METTL15: variants seen among roughly 807,000 people sequenced by gnomAD.
METTL15 encodes the protein 12S rRNA N(4)-cytidine methyltransferase METTL15.
Under a neutral mutation model 38.3 loss-of-function variants are expected in METTL15, and 34 were observed. The ratio of observed to expected loss-of-function variants is 0.89; its 90% CI spans 0.68 to 1.18. The LOEUF (loss-of-function observed/expected upper bound fraction) is 1.18, where lower values mean the gene tolerates loss of function less well. Among genes scored for constraint, METTL15 ranks in the 50% most tolerant of loss-of-function variants. METTL15 has a pLI of 0.00. For missense variants in METTL15, 438 were observed against 498.4 expected (o/e 0.88, Z 1.15); for synonymous variants, 162 against 170.9 (o/e 0.95, Z 0.41).
At chr11:28,251,074 GT>G (rs1337098931) in intron 4 of METTL15, among the ~76,000 whole-genome samples, 1 of 151,862 alleles carries the variant, frequency 6.6e-6, no homozygotes, top group African/African-American at 2.4e-5. Flanking sequence ...TTTTTCTAAG[GT>G]TCTGTGACTT....
intron 3 of METTL15, among the ~76,000 whole-genome samples, chr11:28,117,259 GTATATATATA>G (rs60938215): frequency 0.41 from 44,523 of 108,440 alleles, 10,572 homozygotes; most frequent in Admixed American, 0.55. Flanking sequence ...GTGTGTGTGT[GTATATATATA>G]TATATATATA....
intron 5 of METTL15, among the ~76,000 whole-genome samples, chr11:28,364,605 T>G (rs1447749810): frequency 6.6e-6 from 1 of 152,210 alleles, no homozygotes; most frequent in African/African-American, 2.4e-5. Flanking sequence ...ATTTTCTAGG[T>G]ATAGAATCAT....
intron 6 of METTL15, among the ~76,000 whole-genome samples, chr11:28,471,710 T>C (rs867242790): frequency 6.6e-6 from 1 of 152,152 alleles, no homozygotes. Flanking sequence ...GTGCTAGATA[T>C]TTCTTTATAA....
At chr11:28,341,859 C>A (rs1476745115) in intron 3 of METTL15, among the ~76,000 whole-genome samples, 1 of 152,116 alleles carries the variant, frequency 6.6e-6, no homozygotes, top group Non-Finnish European at 1.5e-5. Context: ...CCATGACCAC[C>A]CTCTATCACC....
At chr11:28,511,670 G>A (rs922645801) in intron 6 of METTL15, among the ~76,000 whole-genome samples, 5 of 152,150 alleles carry the variant, frequency 3.3e-5, no homozygotes, top group African/African-American at 1.2e-4. Context: ...CCTCCTGGTG[G>A]GTTCATGGTC....
intron 4 of METTL15, among the ~76,000 whole-genome samples, chr11:28,221,585 G>A (rs868793057): frequency 4.6e-5 from 7 of 151,522 alleles, no homozygotes; most frequent in East Asian, 1.9e-4. Context: ...TCTGTTTTCC[G>A]TTGGTGGTGA....
chr11:28,213,946 C>T (rs568354898), intron 4 of METTL15, among the ~76,000 whole-genome samples: 9 of 152,044 alleles, frequency 5.9e-5, no homozygotes, highest in East Asian at 3.9e-4. Flanking sequence ...TGAGCCACCA[C>T]GCCCGGCCAA....
intron 6 of METTL15, among the ~76,000 whole-genome samples, chr11:28,501,599 A>G (rs1261093339): frequency 1.3e-5 from 2 of 152,154 alleles, no homozygotes; most frequent in Non-Finnish European, 2.9e-5. Flanking sequence ...ATCTACAGCC[A>G]CACCGTCACG....
chr11:28,462,057 T>C (rs956245840), intron 6 of METTL15, among the ~76,000 whole-genome samples: 2 of 152,066 alleles, frequency 1.3e-5, no homozygotes, highest in Non-Finnish European at 2.9e-5. Flanking sequence ...CATTGAACAA[T>C]GTGACTCACT....
chr11:28,179,594 TTAG>T (rs898499941), intron 3 of METTL15, among the ~76,000 whole-genome samples: 4 of 151,844 alleles, frequency 2.6e-5, no homozygotes, highest in African/African-American at 9.7e-5. Context: ...GTTGATGGGA[TTAG>T]TAGTTCATTC....
chr11:28,240,118 T>C (rs1854227093), intron 4 of METTL15, among the ~76,000 whole-genome samples: 1 of 152,156 alleles, frequency 6.6e-6, no homozygotes, highest in Non-Finnish European at 1.5e-5. Context: ...GCACTATAAA[T>C]GATGCAGTTG....
Position 28,332,383 on chromosome 11 carries a change from G to A in METTL15, c.*1542G>A, listed in dbSNP as rs1849839493. ...TCCCAAAAAATTCTTATCTCTGTAT[G>A]TGATTGGAAAAGAAAAGATCACATT... On this transcript the variant is annotated 3_prime_UTR_variant, in exon 7 of 7. Transcript: ENST00000407364. 1 of 152,072 alleles carries A rather than the reference G, an allele frequency of 6.6e-6. No homozygotes were observed. Among genetic ancestry groups the A allele is most frequent in the Non-Finnish European group, 1.5e-5 (1 of 68,016 alleles). 9.4% of individuals were successfully genotyped at this position (152,072 alleles called of 1,614,324 possible).
At chr11:28,363,349 A>G (rs1351455092) in intron 5 of METTL15, among the ~76,000 whole-genome samples, 1 of 151,634 alleles carries the variant, frequency 6.6e-6, no homozygotes, top group Non-Finnish European at 1.5e-5. Context: ...AATTTTTTGT[A>G]TCTTTAGTAG....
intron 6 of METTL15, among the ~76,000 whole-genome samples, chr11:28,448,702 G>T (rs1167979284): frequency 6.6e-6 from 1 of 151,936 alleles, no homozygotes; most frequent in Admixed American, 6.6e-5. Context: ...TCCTCAGTAT[G>T]CTCATCCCTT....
intron 5 of METTL15, among the ~76,000 whole-genome samples, chr11:28,362,314 C>T (rs370732409): frequency 7.9e-5 from 12 of 152,080 alleles, no homozygotes; most frequent in African/African-American, 2.9e-4. Flanking sequence ...ACATTAAAAC[C>T]TACTGCTTTC....
chr11:28,342,095 A>G (rs1849957626), intron 3 of METTL15, among the ~76,000 whole-genome samples: 1 of 152,154 alleles, frequency 6.6e-6, no homozygotes, highest in African/African-American at 2.4e-5. Context: ...ACCATGTAAA[A>G]AAGAGTGACA....
intron 3 of METTL15, among the ~76,000 whole-genome samples, chr11:28,201,375 T>G (rs933390684): frequency 3.9e-5 from 6 of 152,176 alleles, no homozygotes; most frequent in Admixed American, 3.9e-4. Context: ...TGTTTTGATA[T>G]CAGGATGATG....
intron 5 of METTL15, among the ~76,000 whole-genome samples, chr11:28,384,098 A>G (rs1850415999): frequency 6.6e-6 from 1 of 152,096 alleles, no homozygotes. Context: ...GCTAAGGATA[A>G]TGACTTCCAG....
intron 6 of METTL15, among the ~76,000 whole-genome samples, chr11:28,431,677 G>A (rs1850929146): frequency 1.1e-5 from 1 of 91,454 alleles, no homozygotes; most frequent in Non-Finnish European, 2.1e-5. Context: ...AGGAAAACCA[G>A]AGACCTTTGT....
Sources: gnomAD v4.1 joint callset for allele counts (sites outside exome capture counted in the v4.1 genomes callset) on GRCh38, gnomAD v4.1.1 for gene constraint, MANE v1.5 for transcripts, NCBI Gene and HGNC (gene_info 2026-07-23, HGNC 2026-07-21) for gene names.